MATN2: variants seen among roughly 807,000 people sequenced by gnomAD.
MATN2 encodes the protein matrilin 2.
Under a neutral mutation model 103.2 loss-of-function variants are expected in MATN2, and 69 were observed. The ratio of observed to expected loss-of-function variants is 0.67; its 90% CI spans 0.55 to 0.82. The LOEUF is 0.82. MATN2 is among the 40% of genes least tolerant of loss of function. The pLI is 0.00. For missense variants in MATN2, 1,023 were observed against 1,211.5 expected, an observed-to-expected ratio of 0.84 and a Z score of 2.31; for synonymous variants, 429 against 450.2, an observed-to-expected ratio of 0.95 and a Z score of 0.60.
At chr8:97,888,530 G>A (rs910949995) in intron 2 of MATN2, among the ~76,000 whole-genome samples, 2 of 152,116 alleles carry the variant, frequency 1.3e-5, no homozygotes, top group African/African-American at 4.8e-5. Flanking sequence ...CCTTGTTGTT[G>A]GACCTATCTG....
intron 2 of MATN2, among the ~76,000 whole-genome samples, chr8:97,894,926 G>A (rs1176971360): frequency 6.6e-6 from 1 of 151,616 alleles, no homozygotes; most frequent in East Asian, 1.9e-4. Flanking sequence ...AGGCTGGAGT[G>A]CAGTGGCGTG....
intron 4 of MATN2, among the ~76,000 whole-genome samples, chr8:97,952,601 C>CTG (rs34298479): frequency 0.8 from 121,490 of 151,870 alleles, 49,049 homozygotes; most frequent in Non-Finnish European, 0.85. Context: ...TCTGGGGAAA[C>CTG]TGGTTGGGTT....
intron 4 of MATN2, among the ~76,000 whole-genome samples, chr8:97,947,946 A>T (rs1810808197): frequency 6.6e-6 from 1 of 152,226 alleles, no homozygotes; most frequent in East Asian, 1.9e-4. Flanking sequence ...TTCATCAATC[A>T]ATACATAAAC....
intron 10 of MATN2, among the ~76,000 whole-genome samples, chr8:98,009,687 A>C (rs139306000): frequency 6.6e-6 from 1 of 152,198 alleles, no homozygotes; most frequent in African/African-American, 2.4e-5. Flanking sequence ...GATTTTCCCC[A>C]GAGGCCTTTT....
chr8:97,937,316 A>C (rs1482519614), intron 3 of MATN2, among the ~76,000 whole-genome samples: 1 of 152,154 alleles, frequency 6.6e-6, no homozygotes, highest in Non-Finnish European at 1.5e-5. Context: ...TGAGGTCCCT[A>C]GAGGCTGTCC....
chr8:97,962,863 G>A (rs72677085), intron 5 of MATN2, among the ~76,000 whole-genome samples: 13,778 of 152,204 alleles, frequency 0.091, 895 homozygotes, highest in Admixed American at 0.2. Flanking sequence ...GGACAGGTGC[G>A]ATGGCTCACG....
rs111596668 is a variant in MATN2 at position 98,005,587 on chromosome 8, G to C, written c.1328-1518G>C. On this transcript the variant is annotated intron_variant, in intron 8 of 18. Transcript: ENST00000254898. The surrounding 1 kb of genome is among the most constrained non-coding windows in gnomAD (Gnocchi z 4.6). ...CTCTCTGGGATCTAGTCAACTCTAAGAAAGTACAAACCAAGCTGTTTCTGT... is the reference window on the plus strand; with the variant it reads ...CTCTCTGGGATCTAGTCAACTCTAACAAAGTACAAACCAAGCTGTTTCTGT... Among the ~76,000 whole-genome samples, 188 of 152,262 alleles carry C rather than the reference G, an allele frequency of 1.2e-3. 1 individual carries two copies. Among genetic ancestry groups the C allele is most frequent in the African/African-American group, 4.4e-3 (181 of 41,542 alleles).
At chr8:97,949,901 A>C (rs531244964) in intron 4 of MATN2, among the ~76,000 whole-genome samples, 3 of 152,314 alleles carry the variant, frequency 2.0e-5, no homozygotes, top group South Asian at 2.1e-4. Context: ...AACCAGACCC[A>C]AAAAAACCAG....
intron 2 of MATN2, among the ~76,000 whole-genome samples, chr8:97,915,270 G>T (rs1285513910): frequency 6.6e-6 from 1 of 152,134 alleles, no homozygotes; most frequent in Non-Finnish European, 1.5e-5. Flanking sequence ...GGGACTATAG[G>T]TGTGAGCCAT....
chr8:97,936,468 T>C (rs1810370517), intron 3 of MATN2, among the ~76,000 whole-genome samples: 1 of 152,080 alleles, frequency 6.6e-6, no homozygotes, highest in South Asian at 2.1e-4. Flanking sequence ...GGTCCTGATG[T>C]GAAGTGGGGA....
Position 97,985,189 on chromosome 8 carries a change from C to T in MATN2, c.1081+6181C>T, listed in dbSNP as rs970607643. Among the ~76,000 whole-genome samples the T allele has an allele frequency of 5.9e-5, 9 of 152,120 alleles. No homozygotes were observed. In the East Asian group the frequency reaches 9.7e-4, roughly 16 times the overall value. On this transcript the variant is annotated intron_variant, in intron 6 of 18. Transcript: ENST00000254898. ...CTCACAGCGGGAGGTGATGTGGAGC[C>T]GACCTGTGCAGAGATCACATGGTGA...
intron 13 of MATN2, among the ~76,000 whole-genome samples, chr8:98,024,374 G>A (rs144413385): frequency 6.9e-4 from 105 of 152,182 alleles, no homozygotes; most frequent in Middle Eastern, 3.4e-3. Flanking sequence ...GTATGGTAGC[G>A]TGTGCCTGTG....
intron 6 of MATN2, among the ~76,000 whole-genome samples, chr8:97,984,707 T>C (rs1752309885): frequency 6.6e-6 from 1 of 152,222 alleles, no homozygotes; most frequent in Non-Finnish European, 1.5e-5. Flanking sequence ...GTAAGAGTAA[T>C]ACCAATAACC....
chr8:97,911,709 A>C (rs1809447310), intron 2 of MATN2, among the ~76,000 whole-genome samples: 1 of 152,064 alleles, frequency 6.6e-6, no homozygotes, highest in Non-Finnish European at 1.5e-5. Flanking sequence ...CTGTCTCAAA[A>C]AAAAAATAAA....
rs753816576 is a variant in MATN2 at position 98,035,722 on chromosome 8, A to C, written c.*10A>C. The C allele has an allele frequency of 1.9e-6, 3 of 1,587,630 alleles. No individual in the cohort carries two copies. Among genetic ancestry groups the C allele is most frequent in the Admixed American group, 1.7e-5 (1 of 58,870 alleles). Reference sequence around the variant, plus strand: ...CCTGAGATACAGATGAAGATTAGAAATCGCGACACATTTGTAGTCATTGTA... The same window carrying C: ...CCTGAGATACAGATGAAGATTAGAACTCGCGACACATTTGTAGTCATTGTA... On this transcript the variant is annotated 3_prime_UTR_variant, in exon 19 of 19. Coordinates refer to ENST00000254898, the MANE Select transcript of MATN2 (RefSeq NM_002380.5).
rs1818470900 is a variant in MATN2, at chr8:97,887,321, T to TGCA, written c.-26-752_-26-750dup. ...TCTAGGCCTCCTAAAGCACTAGGAT[T>TGCA]GCAGACATGAGCCATGGCACCTAGA... On this transcript the variant is annotated intron_variant, in intron 1 of 18. Transcript: ENST00000254898. Among the ~76,000 whole-genome samples the TGCA allele has an allele frequency of 8.5e-5, 13 of 152,298 alleles. 1 individual carries two copies. In the South Asian group the frequency reaches 2.7e-3, roughly 32 times the overall value.
In MATN2 at chr8:97,916,041, T is replaced by TTTTTATTTTATTTTATTTTA. The variant is rs141785984; in HGVS notation, c.143-14887_143-14868dup. ...AATGTTTTAATATCACTGGCTATGG[T>TTTTTATTTTATTTTATTTTA]TTTTATTTTATTTTATTTTATTTTA... On this transcript the variant is annotated intron_variant, in intron 2 of 18. Coordinates refer to ENST00000254898, the MANE Select transcript of MATN2 (RefSeq NM_002380.5). 6.5e-4 allele frequency among the ~76,000 whole-genome samples: 95 copies of TTTTTATTTTATTTTATTTTA among 145,316 alleles called. 1 individual carries two copies. The highest frequency in any genetic ancestry group is 1.6e-3 in the African/African-American group (63 of 39,790).
chr8:97,940,275 A>G (rs1254877225), intron 3 of MATN2, among the ~76,000 whole-genome samples: 1 of 152,212 alleles, frequency 6.6e-6, no homozygotes, highest in African/African-American at 2.4e-5. Flanking sequence ...CATCATCTCT[A>G]TTTTTAAAAA....
chr8:97,924,323 T>A (rs1809915072), intron 2 of MATN2, among the ~76,000 whole-genome samples: 3 of 152,226 alleles, frequency 2.0e-5, no homozygotes, highest in South Asian at 4.1e-4. Context: ...AGTTCCCTAA[T>A]CCCTTCACTC....
Sources: gnomAD v4.1 joint callset for allele counts (sites outside exome capture counted in the v4.1 genomes callset) on GRCh38, gnomAD v4.1.1 for gene constraint, Gnocchi (gnomAD v3.1) non-coding constraint, MANE v1.5 for transcripts, NCBI Gene and HGNC (gene_info 2026-07-23, HGNC 2026-07-21) for gene names.